The following DOCK11 variants were observed in gnomAD, a reference collection of about 807,000 sequenced individuals.
The protein encoded by DOCK11 is dedicator of cytokinesis protein 11.
A neutral mutation model predicts 169.1 loss-of-function variants in DOCK11; 70 were observed. The ratio of observed to expected loss-of-function variants is 0.41; its 90% confidence interval spans 0.34 to 0.51. The LOEUF (loss-of-function observed/expected upper bound fraction) is 0.51, where lower values mean the gene tolerates loss of function less well. DOCK11 is among the 20% of genes least tolerant of loss of function. The pLI is 0.10. For synonymous variants in DOCK11, 529 were observed against 541.3 expected (o/e 0.98, Z 0.32); for missense variants, 1,166 against 1,538.8 (o/e 0.76, Z 4.05).
At chrX:118,578,252 C>T (rs939452545) in intron 12 of DOCK11, among the ~76,000 whole-genome samples, 6 of 111,760 alleles carry the variant, frequency 5.4e-5, no homozygotes, top group African/African-American at 1.3e-4. Context: ...ACTCACTTCG[C>T]ATACACAACC....
intron 19 of DOCK11, among the ~76,000 whole-genome samples, chrX:118,591,220 T>C (rs1168079877): frequency 8.9e-6 from 1 of 111,799 alleles, no homozygotes; most frequent in Non-Finnish European, 1.9e-5. Context: ...GCCTTGCTCA[T>C]TTCCTTCTCA....
intron 14 of DOCK11, among the ~76,000 whole-genome samples, chrX:118,582,689 T>G (rs1200345916): frequency 8.9e-6 from 1 of 111,921 alleles, no homozygotes; most frequent in African/African-American, 3.3e-5. Flanking sequence ...AAGCTCATCA[T>G]CACTGGTCAT....
intron 1 of DOCK11, among the ~76,000 whole-genome samples, chrX:118,538,341 C>T (rs2011832814): frequency 8.9e-6 from 1 of 111,959 alleles, no homozygotes; most frequent in African/African-American, 3.2e-5. Context: ...TTTTCCTTGT[C>T]TACTTGACAA....
At chrX:118,570,766 TAATG>T (rs769374858) in intron 10 of DOCK11, among the ~76,000 whole-genome samples, 1 of 112,024 alleles carries the variant, frequency 8.9e-6, no homozygotes, top group Non-Finnish European at 1.9e-5. Context: ...TCTATGGCCT[TAATG>T]AAAGTACAGT....
chrX:118,600,461 A>G (rs1272325195), intron 23 of DOCK11, among the ~76,000 whole-genome samples: 3 of 109,928 alleles, frequency 2.7e-5, no homozygotes, highest in African/African-American at 9.9e-5. Context: ...GCCGGATAGT[A>G]ATCGTTCATG....
At chrX:118,646,042 C>T (rs1457223606) in intron 40 of DOCK11, among the ~76,000 whole-genome samples, 3 of 81,254 alleles carry the variant, frequency 3.7e-5, no homozygotes, top group Admixed American at 3.6e-4. Flanking sequence ...GGCAACAGAG[C>T]GAGACTTCGT....
At chrX:118,539,917 G>T (rs1163467384) in intron 1 of DOCK11, among the ~76,000 whole-genome samples, 1 of 107,973 alleles carries the variant, frequency 9.3e-6, no homozygotes, top group Non-Finnish European at 1.9e-5. Context: ...TGGGTGTGGT[G>T]GCAGGCACCT....
intron 1 of DOCK11, among the ~76,000 whole-genome samples, chrX:118,535,194 T>G (rs1457046625): frequency 8.9e-6 from 1 of 112,199 alleles, no homozygotes; most frequent in African/African-American, 3.2e-5. Context: ...GATTTGCTTT[T>G]GTTAAGTTCA....
At chrX:118,576,836 G>A (rs1448055483) in intron 12 of DOCK11, among the ~76,000 whole-genome samples, 3 of 112,392 alleles carry the variant, frequency 2.7e-5, no homozygotes, top group African/African-American at 9.7e-5. Flanking sequence ...GCAATAATCA[G>A]TATTACTGTT....
intron 32 of DOCK11, 70 bp from the exon 33 acceptor site, chrX:118,627,434 C>A: frequency 1.3e-6 from 1 of 769,162 alleles, no homozygotes; most frequent in Non-Finnish European, 2.0e-6. Context: ...ACATTTTATT[C>A]TGTTAATTCA....
chrX:118,596,222 T>C (rs2014163587), intron 20 of DOCK11, among the ~76,000 whole-genome samples: 1 of 112,423 alleles, frequency 8.9e-6, no homozygotes, highest in Admixed American at 9.4e-5. Flanking sequence ...TAATGGTTCT[T>C]CTGCTCATGT....
intron 45 of DOCK11, among the ~76,000 whole-genome samples, chrX:118,667,017 T>C (rs1452311397): frequency 8.9e-6 from 1 of 112,200 alleles, no homozygotes; most frequent in Non-Finnish European, 1.9e-5. Context: ...TCTTTTGTAT[T>C]TTCTTTTGTG....
intron 24 of DOCK11, 105 bp from the exon 25 acceptor site, chrX:118,607,967 C>T (rs2014576179): frequency 3.3e-6 from 2 of 610,091 alleles, no homozygotes; most frequent in South Asian, 6.5e-5. Flanking sequence ...TTTAATTATT[C>T]AGGCAGTGTT....
intron 40 of DOCK11, among the ~76,000 whole-genome samples, chrX:118,647,755 A>AT (rs1279370105): frequency 1.3e-4 from 6 of 45,733 alleles, no homozygotes; most frequent in Non-Finnish European, 1.6e-4. Context: ...ATATAATAAT[A>AT]TATAATATAT....
Position 118,608,211 on chromosome X carries a change from T to G in DOCK11, c.2752-20T>G, listed in dbSNP as rs113422998. ...CAATTTTGTCTTACAGTTCATTTTT[T>G]TTTGTTTGTTTATTTGTAGTATAGC... On this transcript the variant is annotated intron_variant, in intron 25 of 52. Coordinates refer to ENST00000276202, the MANE Select transcript of DOCK11 (RefSeq NM_144658.4). 1.1e-3 allele frequency: 1,338 copies of G among 1,190,665 alleles called. 14 individuals are homozygous for G. The African/African-American group carries it at 0.019, about 17-fold the overall frequency.
chrX:118,676,118 G>A, intron 47 of DOCK11, 69 bp downstream of exon 47: 2 of 689,625 alleles, frequency 2.9e-6, no homozygotes, highest in East Asian at 3.5e-5. Flanking sequence ...GTTTACTATA[G>A]CAGCTAGGAG....
intron 46 of DOCK11, among the ~76,000 whole-genome samples, chrX:118,673,039 C>T: frequency 8.9e-6 from 1 of 111,825 alleles, no homozygotes; most frequent in South Asian, 3.8e-4. Context: ...GCCATTACCC[C>T]TCCTATCAAA....
At chrX:118,673,585 G>T (rs1461311831) in intron 46 of DOCK11, among the ~76,000 whole-genome samples, 2 of 111,861 alleles carry the variant, frequency 1.8e-5, no homozygotes, top group African/African-American at 6.5e-5. Context: ...CCCTCCAATT[G>T]AGCTCAATTA....
intron 14 of DOCK11, among the ~76,000 whole-genome samples, chrX:118,583,450 CAT>C (rs201700621): frequency 1.3e-4 from 14 of 109,859 alleles, no homozygotes; most frequent in Non-Finnish European, 2.5e-4. Flanking sequence ...TATATACACA[CAT>C]ATATATATAT....
Sources: allele counts gnomAD v4.1 joint callset (sites outside exome capture counted in the v4.1 genomes callset), GRCh38; gene constraint gnomAD v4.1.1; transcripts MANE v1.5; gene names NCBI Gene and HGNC (gene_info 2026-07-23, HGNC 2026-07-21).